Variants in TNFRSF19 observed in about 807,000 individuals in gnomAD.
TNFRSF19 encodes tumor necrosis factor receptor superfamily member 19.
A neutral mutation model predicts 46.4 loss-of-function variants in TNFRSF19; 27 were observed. That is an observed-to-expected ratio of 0.58 (90% CI 0.43 to 0.80). The LOEUF (loss-of-function observed/expected upper bound fraction) is 0.80. Ranked by LOEUF, TNFRSF19 falls within the 30% of genes least tolerant of loss-of-function variation. TNFRSF19 has a pLI of 0.00. For missense variants in TNFRSF19, 511 were observed against 530.8 expected (o/e 0.96, Z 0.37); for synonymous variants, 204 against 205.0 (o/e 1.00, Z 0.04).
intron 5 of TNFRSF19, among the ~76,000 whole-genome samples, chr13:23,652,205 T>C (rs1039488672): frequency 7.9e-5 from 12 of 152,194 alleles, no homozygotes; most frequent in African/African-American, 2.9e-4. Flanking sequence ...CACTGTTTTC[T>C]CCATACCTCT....
At chr13:23,572,338 T>C (rs560983687) in intron 1 of TNFRSF19, among the ~76,000 whole-genome samples, 113 of 152,310 alleles carry the variant, frequency 7.4e-4, no homozygotes, top group African/African-American at 2.7e-3. Flanking sequence ...TTTGATTTTT[T>C]TTTAATTTGT....
chr13:23,589,596 C>G (rs1348835902), intron 1 of TNFRSF19, among the ~76,000 whole-genome samples: 2 of 152,198 alleles, frequency 1.3e-5, no homozygotes, highest in East Asian at 3.8e-4. Flanking sequence ...AGCTGTGCCT[C>G]TCACTAGCAA....
At chr13:23,625,185 C>T (rs976996541) in intron 4 of TNFRSF19, among the ~76,000 whole-genome samples, 3 of 152,084 alleles carry the variant, frequency 2.0e-5, no homozygotes, top group African/African-American at 7.2e-5. Flanking sequence ...TTTAAAAATG[C>T]GTATGGTAGG....
chr13:23,626,455 C>A (rs188664634), intron 4 of TNFRSF19, among the ~76,000 whole-genome samples: 1 of 151,694 alleles, frequency 6.6e-6, no homozygotes. Context: ...TTTATATTCC[C>A]CCACCTGCAC....
chr13:23,640,586 T>C (rs914385090), intron 5 of TNFRSF19, among the ~76,000 whole-genome samples: 7 of 152,222 alleles, frequency 4.6e-5, no homozygotes, highest in Non-Finnish European at 7.3e-5. Context: ...ACCACCTTTC[T>C]CCTGCACACC....
At chr13:23,604,003 C>G (rs1304782826) in intron 3 of TNFRSF19, among the ~76,000 whole-genome samples, 1 of 151,158 alleles carries the variant, frequency 6.6e-6, no homozygotes, top group African/African-American at 2.4e-5. Flanking sequence ...CCTCATGCAC[C>G]AAGACAAAAT....
In TNFRSF19 at chr13:23,665,807, C is replaced by T. The variant is rs968907631; in HGVS notation, c.737-2173C>T. Among the ~76,000 whole-genome samples, 8 of 152,116 alleles carry T rather than the reference C, an allele frequency of 5.3e-5. No individual in the cohort carries two copies. The East Asian group carries it at 1.3e-3, about 26-fold the overall frequency. ...CAGTGCCATTATATAATCTACAGAG[C>T]GTATTCGTGTTTTCTTAATTGCCCC... On this transcript the variant is annotated intron_variant, in intron 7 of 9. Coordinates refer to ENST00000248484, the MANE Select transcript of TNFRSF19 (RefSeq NM_148957.4).
At chr13:23,586,486 G>A (rs1485414381) in intron 1 of TNFRSF19, among the ~76,000 whole-genome samples, 3 of 152,172 alleles carry the variant, frequency 2.0e-5, no homozygotes, top group Non-Finnish European at 4.4e-5. Flanking sequence ...GGTGGAAGCA[G>A]TCACTGTGGT....
intron 3 of TNFRSF19, among the ~76,000 whole-genome samples, chr13:23,613,906 T>G (rs1037823267): frequency 6.6e-6 from 1 of 152,250 alleles, no homozygotes; most frequent in African/African-American, 2.4e-5. Flanking sequence ...TCCTTGAATA[T>G]GCATCTTTAT....
chr13:23,665,558 T>G (rs1012371023), intron 7 of TNFRSF19, among the ~76,000 whole-genome samples: 2 of 125,124 alleles, frequency 1.6e-5, no homozygotes, highest in Admixed American at 8.9e-5. Context: ...CCACATGTCC[T>G]TTACCGAGAT....
intron 9 of TNFRSF19, among the ~76,000 whole-genome samples, chr13:23,671,790 T>G (rs914756160): frequency 2.0e-5 from 3 of 152,176 alleles, no homozygotes; most frequent in Non-Finnish European, 4.4e-5. Context: ...GTTTGAGGCT[T>G]GAGGCTGCAG....
intron 5 of TNFRSF19, among the ~76,000 whole-genome samples, chr13:23,655,035 T>G (rs1705751009): frequency 6.6e-6 from 1 of 152,238 alleles, no homozygotes; most frequent in African/African-American, 2.4e-5. Flanking sequence ...CCAGCTATGC[T>G]TGAAGCTCTT....
chr13:23,652,736 C>T (rs1883725226), intron 5 of TNFRSF19, among the ~76,000 whole-genome samples: 1 of 152,222 alleles, frequency 6.6e-6, no homozygotes, highest in South Asian at 2.1e-4. Context: ...CCAATGAACA[C>T]ATCATTGGCA....
At chr13:23,582,263 T>C (rs1456411673) in intron 1 of TNFRSF19, among the ~76,000 whole-genome samples, 4 of 137,596 alleles carry the variant, frequency 2.9e-5, no homozygotes, top group Non-Finnish European at 4.7e-5. Flanking sequence ...TAGCCGGGCG[T>C]GGTGGCGGGC....
chr13:23,649,596 C>T (rs1166892394), intron 5 of TNFRSF19, among the ~76,000 whole-genome samples: 1 of 151,644 alleles, frequency 6.6e-6, no homozygotes, highest in East Asian at 1.9e-4. Context: ...TACCTTTTAG[C>T]TTAGTTTGGT....
At chr13:23,643,672 C>T (rs767388058) in intron 5 of TNFRSF19, among the ~76,000 whole-genome samples, 2 of 152,158 alleles carry the variant, frequency 1.3e-5, no homozygotes, top group Non-Finnish European at 2.9e-5. Flanking sequence ...GGGCAGGCAG[C>T]CAGAGGAAAA....
At chr13:23,571,127 GCTCACTTTAGC>G (rs1566153515) in intron 1 of TNFRSF19, among the ~76,000 whole-genome samples, 1 of 152,128 alleles carries the variant, frequency 6.6e-6, no homozygotes, top group Non-Finnish European at 1.5e-5. Context: ...ACAGAACAGC[GCTCACTTTAGC>G]ATGCAACTGG....
rs1880205460 is a variant in TNFRSF19 at position 23,602,150 on chromosome 13, T to G, written c.180+8695T>G. ...CCCACTTCAAATATGAAGACACACA[T>G]AGATGAAAAGTAAGTGGATGGAGAA... is the stretch of plus-strand genomic sequence containing the variant. On this transcript the variant is annotated intron_variant, in intron 3 of 9. Coordinates refer to ENST00000248484, the MANE Select transcript of TNFRSF19 (RefSeq NM_148957.4). Among the ~76,000 whole-genome samples the G allele has an allele frequency of 2.0e-5, 3 of 152,040 alleles. No homozygotes were observed. In the South Asian group the frequency reaches 6.2e-4, roughly 31 times the overall value.
At chr13:23,642,279 T>A (rs1424302547) in intron 5 of TNFRSF19, among the ~76,000 whole-genome samples, 1 of 152,198 alleles carries the variant, frequency 6.6e-6, no homozygotes, top group African/African-American at 2.4e-5. Flanking sequence ...CTCTCCACTG[T>A]ATAGGCGGTT....
Sources: gnomAD v4.1 joint callset for allele counts (sites outside exome capture counted in the v4.1 genomes callset) on GRCh38, gnomAD v4.1.1 for gene constraint, MANE v1.5 for transcripts, NCBI Gene and HGNC (gene_info 2026-07-23, HGNC 2026-07-21) for gene names.